ASIC2: variants seen among roughly 807,000 people sequenced by gnomAD.
ASIC2 encodes the protein acid-sensing ion channel 2.
In ASIC2, 25 loss-of-function variants were observed where a neutral mutation model predicts 57.3. The observed-to-expected ratio is 0.44, with a 90% CI of 0.32 to 0.61. ASIC2 has a LOEUF of 0.61. ASIC2 is among the 20% of genes least tolerant of loss of function. The pLI, the probability that ASIC2 is intolerant of heterozygous loss-of-function variation, is 0.06. For missense variants in ASIC2, 641 were observed against 738.1 expected (o/e 0.87, Z 1.52); for synonymous variants, 319 against 307.5 (o/e 1.04, Z -0.39).
intron 1 of ASIC2, among the ~76,000 whole-genome samples, chr17:33,306,585 G>A (rs35337153): frequency 0.017 from 2,631 of 152,146 alleles, 29 homozygotes; most frequent in Non-Finnish European, 0.03. Context: ...AAGGGCTGTC[G>A]ATGCTCCCTC....
chr17:33,273,853 A>C (rs58731078), intron 1 of ASIC2, among the ~76,000 whole-genome samples: 13,271 of 151,696 alleles, frequency 0.087, 747 homozygotes, highest in South Asian at 0.23. Context: ...CTAAAGGCAG[A>C]ATGGGAGAAA....
intron 1 of ASIC2, among the ~76,000 whole-genome samples, chr17:33,353,935 A>G (rs1369207154): frequency 6.6e-6 from 1 of 152,196 alleles, no homozygotes; most frequent in Non-Finnish European, 1.5e-5. Flanking sequence ...AAGACTGGGT[A>G]ATTTATAAAG....
chr17:33,836,022 T>C (rs1913263541), intron 1 of ASIC2, among the ~76,000 whole-genome samples: 1 of 151,012 alleles, frequency 6.6e-6, no homozygotes, highest in South Asian at 2.1e-4. Context: ...GTATATAATA[T>C]GTATCCTACA....
chr17:33,929,119 C>T (rs1187040527), intron 1 of ASIC2, among the ~76,000 whole-genome samples: 1 of 152,130 alleles, frequency 6.6e-6, no homozygotes, highest in African/African-American at 2.4e-5. Context: ...GTAAGTGAAT[C>T]TCTGCCTCCC....
intron 1 of ASIC2, among the ~76,000 whole-genome samples, chr17:33,883,515 C>G (rs1469985381): frequency 3.9e-5 from 6 of 152,200 alleles, no homozygotes; most frequent in Non-Finnish European, 8.8e-5. Flanking sequence ...TTTCCACAGG[C>G]TGCCCCTAAG....
intron 3 of ASIC2, among the ~76,000 whole-genome samples, chr17:33,056,830 G>T (rs1264905509): frequency 6.6e-6 from 1 of 152,202 alleles, no homozygotes; most frequent in Non-Finnish European, 1.5e-5. Flanking sequence ...GCCACCCAGG[G>T]TTTCCTTCTG....
At chr17:33,211,614 C>T (rs1280204408) in intron 1 of ASIC2, among the ~76,000 whole-genome samples, 1 of 151,786 alleles carries the variant, frequency 6.6e-6, no homozygotes, top group Non-Finnish European at 1.5e-5. Context: ...AGCAGGCAGC[C>T]CCGTTCATCT....
chr17:33,828,718 T>C (rs1352013183), intron 1 of ASIC2, among the ~76,000 whole-genome samples: 1 of 152,204 alleles, frequency 6.6e-6, no homozygotes, highest in Non-Finnish European at 1.5e-5. Flanking sequence ...TGATAAAATA[T>C]ATTCTATTTA....
intron 3 of ASIC2, among the ~76,000 whole-genome samples, chr17:33,061,352 T>C (rs903498535): frequency 6.6e-6 from 1 of 152,240 alleles, no homozygotes; most frequent in African/African-American, 2.4e-5. Context: ...ACCTAATTTA[T>C]TGAGAGTTTT....
chr17:33,907,167 A>G (rs1466231144), intron 1 of ASIC2, among the ~76,000 whole-genome samples: 1 of 152,162 alleles, frequency 6.6e-6, no homozygotes, highest in Non-Finnish European at 1.5e-5. Context: ...AGAAACCAAG[A>G]ACCCTTGAAG....
chr17:33,427,826 T>G (rs555933914), intron 1 of ASIC2, among the ~76,000 whole-genome samples: 1 of 152,318 alleles, frequency 6.6e-6, no homozygotes, highest in South Asian at 2.1e-4. Context: ...TGAATATGAC[T>G]ATCCTATGTA....
At chr17:33,685,902 G>A (rs566336195) in intron 1 of ASIC2, among the ~76,000 whole-genome samples, 2 of 152,266 alleles carry the variant, frequency 1.3e-5, no homozygotes, top group Admixed American at 6.5e-5. Context: ...TTATGCGGAA[G>A]GGCCTGTTCT....
At chr17:33,474,406 T>TA (rs1439718407) in intron 1 of ASIC2, among the ~76,000 whole-genome samples, 1 of 152,134 alleles carries the variant, frequency 6.6e-6, no homozygotes, top group African/African-American at 2.4e-5. Flanking sequence ...ACAGATGGCA[T>TA]ACTAAGAGTA....
chr17:33,280,315 CA>C (rs1184808845), intron 1 of ASIC2, among the ~76,000 whole-genome samples: 4 of 152,110 alleles, frequency 2.6e-5, no homozygotes, highest in African/African-American at 4.8e-5. Context: ...TCAACAACAA[CA>C]AAAAAGGCTC....
At chr17:34,065,537 T>A (rs1307534035) in intron 1 of ASIC2, among the ~76,000 whole-genome samples, 1 of 152,170 alleles carries the variant, frequency 6.6e-6, no homozygotes, top group Non-Finnish European at 1.5e-5. Context: ...CATATTTTTT[T>A]AAAAAAGCAA....
chr17:33,517,936 A>G (rs1026323389), intron 1 of ASIC2, among the ~76,000 whole-genome samples: 1 of 152,212 alleles, frequency 6.6e-6, no homozygotes. Flanking sequence ...GAACTACACA[A>G]GGAGGAAGAA....
At chr17:33,459,636 T>C (rs946873887) in intron 1 of ASIC2, among the ~76,000 whole-genome samples, 2 of 152,170 alleles carry the variant, frequency 1.3e-5, no homozygotes, top group African/African-American at 4.8e-5. Flanking sequence ...CGGTGGTGAA[T>C]TCATATTTCT....
chr17:33,804,840 C>T (rs1034076332), intron 1 of ASIC2, among the ~76,000 whole-genome samples: 4 of 152,046 alleles, frequency 2.6e-5, no homozygotes, highest in Non-Finnish European at 5.9e-5. Context: ...TCACTTAGCT[C>T]TCCATACTTC....
chr17:33,323,630 C>G (rs975367300), intron 1 of ASIC2, among the ~76,000 whole-genome samples: 15 of 152,194 alleles, frequency 9.9e-5, no homozygotes, highest in Non-Finnish European at 1.9e-4. Flanking sequence ...AGGAGAATCA[C>G]TTGAACCTGG....
Sources: gnomAD v4.1 joint callset for allele counts (sites outside exome capture counted in the v4.1 genomes callset) on GRCh38, gnomAD v4.1.1 for gene constraint, MANE v1.5 for transcripts, NCBI Gene and HGNC (gene_info 2026-07-23, HGNC 2026-07-21) for gene names.